The following SYNPR variants were observed in gnomAD, a reference collection of about 807,000 sequenced individuals.
The protein encoded by SYNPR is synaptoporin.
In SYNPR, 23 loss-of-function variants were observed where a neutral mutation model predicts 32.9. The observed-to-expected ratio is 0.70, with a 90% CI of 0.50 to 0.99. The LOEUF (loss-of-function observed/expected upper bound fraction) is 0.99, where lower values mean the gene tolerates loss of function less well. Among genes scored for constraint, SYNPR ranks in the 50% least tolerant of loss-of-function variants. SYNPR has a pLI of 0.00. For synonymous variants in SYNPR, 146 were observed against 135.9 expected, an observed-to-expected ratio of 1.07 and a Z score of -0.52; for missense variants, 318 against 349.3, an observed-to-expected ratio of 0.91 and a Z score of 0.71.
intron 2 of SYNPR, among the ~76,000 whole-genome samples, chr3:63,455,373 C>T (rs1352753212): frequency 1.3e-5 from 2 of 152,100 alleles, no homozygotes; most frequent in Non-Finnish European, 2.9e-5. Context: ...TTAAAATTCA[C>T]ATTACACTGT....
Position 63,238,875 on chromosome 3 carries a change from A to T in SYNPR, n.66+10495A>T, listed in dbSNP as rs569500175. Among the ~76,000 whole-genome samples the T allele has an allele frequency of 1.4e-4, 21 of 152,224 alleles. 1 individual carries two copies. In the South Asian group the frequency reaches 1.9e-3, roughly 14 times the overall value. On this transcript the variant is annotated intron_variant and non_coding_transcript_variant, in intron 1 of 4. Coordinates refer to the SYNPR transcript ENST00000478456. The stretch of plus-strand genomic sequence containing the variant: ...GTAATTCGGTATAACTGTATCTTGG[A>T]GGAGGCTGTGTTATCTTTAAAGAAT...
chr3:63,306,098 C>T (rs1034477189), intron 2 of SYNPR, among the ~76,000 whole-genome samples: 1 of 151,980 alleles, frequency 6.6e-6, no homozygotes, highest in Non-Finnish European at 1.5e-5. Context: ...TTTGGATTCT[C>T]AAAGCACCTT....
At chr3:63,500,199 A>C (rs1202125553) in intron 3 of SYNPR, among the ~76,000 whole-genome samples, 1 of 152,196 alleles carries the variant, frequency 6.6e-6, no homozygotes, top group Non-Finnish European at 1.5e-5. Flanking sequence ...CACTTTTGTA[A>C]TTGAAATGCA....
intron 3 of SYNPR, among the ~76,000 whole-genome samples, chr3:63,268,609 A>T (rs369850028): frequency 2.0e-5 from 3 of 152,228 alleles, no homozygotes; most frequent in African/African-American, 7.2e-5. Context: ...CTATAAGTAG[A>T]CGTGGATCAT....
chr3:63,408,251 AAG>A (rs2088400509), intron 2 of SYNPR, among the ~76,000 whole-genome samples: 1 of 121,944 alleles, frequency 8.2e-6, no homozygotes, highest in African/African-American at 3.6e-5. Context: ...GAAAGAAAGA[AAG>A]AAAGAAAGAA....
chr3:63,247,711 C>A (rs2086302662), intron 1 of SYNPR, among the ~76,000 whole-genome samples: 1 of 152,120 alleles, frequency 6.6e-6, no homozygotes, highest in Non-Finnish European at 1.5e-5. Flanking sequence ...TCCTTCTTTC[C>A]CAAACCTCAT....
intron 2 of SYNPR, among the ~76,000 whole-genome samples, chr3:63,391,071 CCTT>C (rs2088127663): frequency 1.3e-5 from 2 of 152,174 alleles, no homozygotes; most frequent in Admixed American, 1.3e-4. Flanking sequence ...TGACTCAATT[CCTT>C]CTTAATAATA....
intron 3 of SYNPR, among the ~76,000 whole-genome samples, chr3:63,508,452 T>G (rs1262884560): frequency 6.6e-6 from 1 of 152,046 alleles, no homozygotes; most frequent in Non-Finnish European, 1.5e-5. Flanking sequence ...ACTCAGGTGA[T>G]GTAAGGTGAC....
At chr3:63,263,885 A>T (rs777155511) in intron 2 of SYNPR, among the ~76,000 whole-genome samples, 1 of 152,226 alleles carries the variant, frequency 6.6e-6, no homozygotes, top group Non-Finnish European at 1.5e-5. Flanking sequence ...AAAAGAAATC[A>T]GCTGCACTTC....
intron 2 of SYNPR, among the ~76,000 whole-genome samples, chr3:63,367,621 G>A (rs2087743438): frequency 6.6e-6 from 1 of 152,082 alleles, no homozygotes; most frequent in Non-Finnish European, 1.5e-5. Context: ...CTCCTAAAGT[G>A]AGTGCTAGGA....
chr3:63,519,662 G>A (rs532783602), intron 3 of SYNPR, among the ~76,000 whole-genome samples: 5 of 152,224 alleles, frequency 3.3e-5, no homozygotes, highest in African/African-American at 9.6e-5. Context: ...GCATCATAGC[G>A]GTTTTTGGTT....
chr3:63,278,850 A>C, intron 2 of SYNPR, 108 bp downstream of exon 2: 1 of 1,243,430 alleles, frequency 8.0e-7, no homozygotes, highest in Non-Finnish European at 1.1e-6. Flanking sequence ...CCGGAGATTC[A>C]ACCCTCAAGC....
At chr3:63,567,090 C>G (rs1248198420) in intron 4 of SYNPR, among the ~76,000 whole-genome samples, 1 of 152,194 alleles carries the variant, frequency 6.6e-6, no homozygotes, top group East Asian at 1.9e-4. Context: ...CCCAACTCAG[C>G]ATAAGCTGCT....
At chr3:63,488,548 C>A (rs1231012474) in intron 3 of SYNPR, among the ~76,000 whole-genome samples, 3 of 152,144 alleles carry the variant, frequency 2.0e-5, no homozygotes, top group Non-Finnish European at 4.4e-5. Flanking sequence ...CTTATTGGGC[C>A]TCAGCTTCCT....
At chr3:63,608,672 G>A (rs1700157063) in intron 4 of SYNPR, among the ~76,000 whole-genome samples, 1 of 152,156 alleles carries the variant, frequency 6.6e-6, no homozygotes, top group South Asian at 2.1e-4. Context: ...CTAAAGGTTT[G>A]GAATCATGAC....
chr3:63,531,283 C>A (rs1702108749), intron 3 of SYNPR, among the ~76,000 whole-genome samples: 1 of 152,104 alleles, frequency 6.6e-6, no homozygotes, highest in Non-Finnish European at 1.5e-5. Flanking sequence ...CTGAAAGATA[C>A]AAGTCTGAAA....
intron 3 of SYNPR, among the ~76,000 whole-genome samples, chr3:63,502,632 AG>A (rs1333118265): frequency 6.6e-6 from 1 of 152,172 alleles, no homozygotes; most frequent in East Asian, 1.9e-4. Context: ...AATGGCATAT[AG>A]TTGAAGTCAT....
At chr3:63,602,063 T>C (rs1343309915) in intron 4 of SYNPR, among the ~76,000 whole-genome samples, 3 of 152,236 alleles carry the variant, frequency 2.0e-5, no homozygotes, top group Non-Finnish European at 4.4e-5. Context: ...TGGTATCTCT[T>C]TGTGGTTTTG....
intron 2 of SYNPR, among the ~76,000 whole-genome samples, chr3:63,435,495 C>A (rs984374075): frequency 5.9e-5 from 9 of 152,172 alleles, no homozygotes; most frequent in Non-Finnish European, 1.3e-4. Flanking sequence ...TGTTCAAATG[C>A]AGTCATGTTC....
Sources: allele counts gnomAD v4.1 joint callset (sites outside exome capture counted in the v4.1 genomes callset), GRCh38; gene constraint gnomAD v4.1.1; transcripts MANE v1.5; gene names NCBI Gene and HGNC (gene_info 2026-07-23, HGNC 2026-07-21).